MN1: variants seen among roughly 807,000 people sequenced by gnomAD.
MN1 encodes transcriptional activator MN1.
In MN1, 19 loss-of-function variants were observed where a neutral mutation model predicts 86.9. The observed-to-expected ratio is 0.22, with a 90% CI of 0.15 to 0.32. The LOEUF is 0.32. MN1 is among the 10% of genes least tolerant of loss of function. The pLI is 1.00. For synonymous variants in MN1, 928 were observed against 849.6 expected (o/e 1.09, Z -1.60); for missense variants, 1,841 against 1,862.0 (o/e 0.99, Z 0.21).
chr22:27,781,927 C>G (rs1032756836), intron 1 of MN1, among the ~76,000 whole-genome samples: 1 of 152,128 alleles, frequency 6.6e-6, no homozygotes, highest in Non-Finnish European at 1.5e-5. Flanking sequence ...GAGGCCCCAC[C>G]TGAGTTGCCA....
Position 27,798,367 on chromosome 22 carries a change from G to A in MN1, c.2177C>T (p.Ser726Leu). 1.3e-6 allele frequency: 2 copies of A among 1,501,250 alleles called. No homozygotes were observed. Among genetic ancestry groups the A allele is most frequent in the East Asian group, 2.6e-5 (1 of 38,722 alleles). The allele number at this position is 1,501,250 out of a possible 1,614,324, so 93.0% of individuals were successfully genotyped here. The change falls in exon 1 of 2, where the codon TCG becomes TTG. Residue 726 changes from serine to leucine, a missense_variant. Transcript: ENST00000302326. ...GAGVGLPSAA[S>L]ERRPPPPDFA... Reference sequence around the variant, plus strand: ...GTCCGGCGGCGGGGGCCGGCGCTCCGAAGCAGCGCTGGGGAGCCCCACGCC... The same window carrying A: ...GTCCGGCGGCGGGGGCCGGCGCTCCAAAGCAGCGCTGGGGAGCCCCACGCC...
At position 27,798,959 on chromosome 22, in the gene MN1, G is replaced by T; in HGVS notation, c.1585C>A (p.Gln529Lys). 2 of 1,595,432 alleles carry T rather than the reference G, an allele frequency of 1.3e-6. No homozygotes were observed. Among genetic ancestry groups the T allele is most frequent in the South Asian group, 2.2e-5 (2 of 89,180 alleles). Residue 529 changes from glutamine to lysine, a missense_variant, in exon 1 of 2, where the codon CAG becomes AAG. By Grantham distance (53) the Gln-to-Lys change is moderately conservative. Transcript: ENST00000302326. ...TGCTGCTGCTGTTGCTGCTGCTGCT[G>T]CTGCTGCTGCTGCTGTTGCAGGGAC... ...HQSLQQQQQQ[Q>K]QQQQQQQQQQ...
chr22:27,761,219 CTT>C (rs906914607), intron 1 of MN1, among the ~76,000 whole-genome samples: 2 of 151,384 alleles, frequency 1.3e-5, no homozygotes, highest in African/African-American at 4.8e-5. Flanking sequence ...CGCTCTCTCT[CTT>C]TCTCTCTCTC....
In MN1 at chr22:27,797,620, C is replaced by T; in HGVS notation, c.2924G>A (p.Ser975Asn). The T allele has an allele frequency of 6.3e-7, 1 of 1,594,404 alleles. No homozygotes were observed. The highest frequency in any genetic ancestry group is 8.5e-7 in the Non-Finnish European group (1 of 1,170,284). ...GCCTGACGCTTGCTGCTGCCCTGGGCTCACCCCAGGTGCGCCCCCGCTGTC... is the reference window on the plus strand; with the variant it reads ...GCCTGACGCTTGCTGCTGCCCTGGGTTCACCCCAGGTGCGCCCCCGCTGTC... Reference protein sequence around the residue: ...APDSGGAPGVSPGQQQASGAA... With the variant: ...APDSGGAPGVNPGQQQASGAA... The change falls in exon 1 of 2, where the codon AGC becomes AAC. Residue 975 changes from serine (S) to asparagine (N), a missense_variant. Physicochemically the swap from Ser to Asn is conservative, Grantham distance 46. Coordinates refer to ENST00000302326, the MANE Select transcript of MN1 (RefSeq NM_002430.3).
At chr22:27,776,297 G>C (rs1304050944) in intron 1 of MN1, among the ~76,000 whole-genome samples, 1 of 152,156 alleles carries the variant, frequency 6.6e-6, no homozygotes, top group Non-Finnish European at 1.5e-5. Flanking sequence ...CCGTCTCGAG[G>C]ACGCGCTGTA....
chr22:27,797,846 C>G lies in MN1; in HGVS notation c.2698G>C (p.Gly900Arg). 1.3e-6 allele frequency: 2 copies of G among 1,578,308 alleles called. No individual in the cohort carries two copies. Among genetic ancestry groups the G allele is most frequent in the Non-Finnish European group, 1.7e-6 (2 of 1,164,322 alleles). ...PGGPSGTSSS[G>R]SKASGPPNPP... ...TTGGGCGGCCCCGAGGCTTTGGAGC[C>G]GCTGCTACTGGTCCCGGACGGGCCT... Residue 900 changes from glycine (G) to arginine (R), a missense_variant, in exon 1 of 2, where the codon GGC becomes CGC. Physicochemically the swap from Gly to Arg is moderately radical, Grantham distance 125. Transcript: ENST00000302326.
rs1933314859 is a variant in MN1 at position 27,797,253 on chromosome 22, C to T, written c.3291G>A (p.Lys1097=). ...CCAGGCCGAGGGCGGGCGGGGGCGC[C>T]TTCGGTCCGTGTTCCCCGGCGCCTA... ...RGVGAGEHGP[K]APPPALGLGI... Residue 1097 remains lysine (K), a synonymous_variant, in exon 1 of 2, where the codon AAG becomes AAA. Transcript: ENST00000302326. The T allele has an allele frequency of 6.3e-7, 1 of 1,580,066 alleles. No homozygotes were observed. Among genetic ancestry groups the T allele is most frequent in the Admixed American group, 1.8e-5 (1 of 56,218 alleles).
At chr22:27,765,744 C>A (rs113900536) in intron 1 of MN1, among the ~76,000 whole-genome samples, 9 of 152,138 alleles carry the variant, frequency 5.9e-5, no homozygotes, top group Non-Finnish European at 1.2e-4. Flanking sequence ...GGCCACGCAG[C>A]GAAAATGGCA....
At chr22:27,786,233 A>AG (rs901764695) in intron 1 of MN1, among the ~76,000 whole-genome samples, 1 of 152,208 alleles carries the variant, frequency 6.6e-6, no homozygotes, top group Non-Finnish European at 1.5e-5. Context: ...AGAGAGGAAG[A>AG]GGGGGGCCCC....
At chr22:27,783,935 C>T (rs1933087771) in intron 1 of MN1, among the ~76,000 whole-genome samples, 1 of 152,204 alleles carries the variant, frequency 6.6e-6, no homozygotes. Context: ...GTGCAACAAG[C>T]TCTCAAAGAC....
At chr22:27,776,289 G>C (rs998532372) in intron 1 of MN1, among the ~76,000 whole-genome samples, 1 of 152,180 alleles carries the variant, frequency 6.6e-6, no homozygotes, top group Non-Finnish European at 1.5e-5. Flanking sequence ...GCTCAATCCC[G>C]TCTCGAGGAC....
chr22:27,778,328 C>G (rs1029434453), intron 1 of MN1, among the ~76,000 whole-genome samples: 1 of 152,190 alleles, frequency 6.6e-6, no homozygotes, highest in Non-Finnish European at 1.5e-5. Context: ...TGCCAGCTGC[C>G]GCGGCCACTT....
intron 1 of MN1, among the ~76,000 whole-genome samples, chr22:27,764,414 G>C (rs1334582515): frequency 6.6e-6 from 1 of 152,192 alleles, no homozygotes; most frequent in Non-Finnish European, 1.5e-5. Flanking sequence ...GGGGCCCCAA[G>C]AAATCCAGCT....
chr22:27,773,953 C>T (rs1237532730), intron 1 of MN1, among the ~76,000 whole-genome samples: 1 of 152,144 alleles, frequency 6.6e-6, no homozygotes, highest in African/African-American at 2.4e-5. Context: ...CGCGCCCGGC[C>T]TTGATCCTTT....
chr22:27,796,790 T>C lies in MN1; in HGVS notation c.3754A>G (p.Lys1252Glu). ...TCTTTGCTGTTGGGGTTCTGGGGTT[T>C]GGCCTTCTCCCAGGGCGCCAACGTC... ...DKTLAPWEKA[K>E]PQNPNSKEAH... Residue 1252 changes from lysine to glutamate, a missense_variant, in exon 1 of 2, where the codon AAA (lysine) becomes GAA (glutamate). Transcript: ENST00000302326. The C allele has an allele frequency of 6.2e-7, 1 of 1,605,432 alleles. No homozygotes were observed.
In MN1 at chr22:27,799,505, G is replaced by T. The variant is rs749119867; in HGVS notation, c.1039C>A (p.Pro347Thr). The T allele has an allele frequency of 6.9e-6, 10 of 1,452,920 alleles. No homozygotes were observed. The South Asian group carries it at 1.0e-4, about 15-fold the overall frequency. 90.0% of individuals were successfully genotyped at this position (1,452,920 alleles called of 1,614,324 possible). Residue 347 changes from proline to threonine, a missense_variant, in exon 1 of 2, where the codon CCC becomes ACC. Physicochemically the swap from Pro to Thr is conservative, Grantham distance 38. Coordinates refer to ENST00000302326, the MANE Select transcript of MN1 (RefSeq NM_002430.3). ...TGCTGCGGGGGCTGCTGCTGAGGGGGTGGCGGGGCCTGCTGGGGAGGCTGC... is the reference window on the plus strand; with the variant it reads ...TGCTGCGGGGGCTGCTGCTGAGGGGTTGGCGGGGCCTGCTGGGGAGGCTGC... ...LMQPPQQAPPPPQQQPPQQPP... is the reference protein window; with the variant it reads ...LMQPPQQAPPTPQQQPPQQPP...
Position 27,800,900 on chromosome 22 carries a change from T to TGGGGAGGGAA in MN1, c.-367_-358dup. On this transcript the variant is annotated 5_prime_UTR_variant, in exon 1 of 2. Coordinates refer to ENST00000302326, the MANE Select transcript of MN1 (RefSeq NM_002430.3). ...GAGACAAAAAGTTAAGTGGGGGGAA[T>TGGGGAGGGAA]GGGGAGGGAAGGGGGTTGGGAGAGC... 1 of 225,676 alleles carries TGGGGAGGGAA rather than the reference T, an allele frequency of 4.4e-6. No homozygotes were observed. The highest frequency in any genetic ancestry group is 6.9e-5 in the South Asian group (1 of 14,568). The allele number at this position is 225,676 out of a possible 1,614,324, so 14.0% of individuals were successfully genotyped here. A position where few individuals can be genotyped will look rare whatever the true frequency, so the allele number is the denominator to read the frequency against.
At position 27,799,774 on chromosome 22, in the gene MN1, G is replaced by A; in HGVS notation, c.770C>T (p.Pro257Leu). 1 of 1,594,058 alleles carries A rather than the reference G, an allele frequency of 6.3e-7. No homozygotes were observed. Among genetic ancestry groups the A allele is most frequent in the Non-Finnish European group, 8.6e-7 (1 of 1,169,420 alleles). ...FSPSDSEGQL[P>L]HYAAGRQVPG... Reference sequence around the variant, plus strand: ...AACCTGGCGACCCGCTGCATAATGAGGCAGCTGCCCTTCGGAGTCAGAGGG... The same window carrying A: ...AACCTGGCGACCCGCTGCATAATGAAGCAGCTGCCCTTCGGAGTCAGAGGG... Residue 257 changes from proline to leucine, a missense_variant, in exon 1 of 2, where the codon CCT becomes CTT. Pro to Leu is a moderately conservative substitution (Grantham distance 98). Coordinates refer to ENST00000302326, the MANE Select transcript of MN1 (RefSeq NM_002430.3).
At chr22:27,770,543 A>G (rs1274938059) in intron 1 of MN1, among the ~76,000 whole-genome samples, 3 of 152,220 alleles carry the variant, frequency 2.0e-5, no homozygotes, top group Non-Finnish European at 2.9e-5. Context: ...CCTGCAATGG[A>G]AGTAATAGTC....
Sources: gnomAD v4.1 joint callset for allele counts (sites outside exome capture counted in the v4.1 genomes callset) on GRCh38, gnomAD v4.1.1 for gene constraint, MANE v1.5 for transcripts, NCBI Gene and HGNC (gene_info 2026-07-23, HGNC 2026-07-21) for gene names.